The following SASH1 variants were observed in gnomAD, a reference collection of about 807,000 sequenced individuals.
SASH1 encodes SAM and SH3 domain-containing protein 1.
A neutral mutation model predicts 125.2 loss-of-function variants in SASH1; 44 were observed. That is an observed-to-expected ratio of 0.35 (90% CI 0.28 to 0.45). The LOEUF (loss-of-function observed/expected upper bound fraction) is 0.45, where lower values mean the gene tolerates loss of function less well. Ranked by LOEUF, SASH1 falls within the 20% of genes least tolerant of loss-of-function variation. The probability of loss-of-function intolerance (pLI) is 1.00; values close to 1 mark genes in which losing one functional copy is unlikely to be tolerated. For synonymous variants in SASH1, 639 were observed against 649.1 expected (o/e 0.98, Z 0.24); for missense variants, 1,426 against 1,614.5 (o/e 0.88, Z 2.00).
intron 1 of SASH1, among the ~76,000 whole-genome samples, chr6:148,365,823 C>G (rs1424888089): frequency 6.6e-6 from 1 of 151,598 alleles, no homozygotes; most frequent in East Asian, 1.9e-4. Flanking sequence ...AAAAAAAATA[C>G]AAAAATTAGC....
the SASH1 span, among the ~76,000 whole-genome samples, chr6:148,261,597 A>AT: frequency 1.3e-5 from 2 of 152,304 alleles, no homozygotes; most frequent in Admixed American, 1.3e-4. Flanking sequence ...GATTCACTTC[A>AT]TAACGAGGCC....
chr6:148,248,924 G>A, the SASH1 span, among the ~76,000 whole-genome samples: 1 of 152,084 alleles, frequency 6.6e-6, no homozygotes, highest in Non-Finnish European at 1.5e-5. Context: ...TTTGTATTCT[G>A]TCCTTTTAAA....
intron 1 of SASH1, among the ~76,000 whole-genome samples, chr6:148,327,307 T>C (rs1780856645): frequency 6.7e-6 from 1 of 150,346 alleles, no homozygotes. Context: ...TTTTTTGAGA[T>C]GGAGTCTCGC....
intron 4 of SASH1, among the ~76,000 whole-genome samples, chr6:148,447,196 G>T (rs1197833623): frequency 6.6e-6 from 1 of 152,054 alleles, no homozygotes. Context: ...CACTGATTTA[G>T]TTTCACTTTT....
the SASH1 span, among the ~76,000 whole-genome samples, chr6:148,259,769 C>A: frequency 1.3e-5 from 2 of 152,180 alleles, no homozygotes; most frequent in East Asian, 1.9e-4. Context: ...AGATGGTACC[C>A]CTTATACTAA....
chr6:148,440,879 A>G (rs1283520434), intron 4 of SASH1, among the ~76,000 whole-genome samples: 3 of 152,178 alleles, frequency 2.0e-5, no homozygotes, highest in African/African-American at 7.2e-5. Context: ...AAAAAATGGC[A>G]AATGATCCCT....
chr6:148,517,868 T>G (rs1340396679), intron 9 of SASH1, among the ~76,000 whole-genome samples: 1 of 152,222 alleles, frequency 6.6e-6, no homozygotes, highest in South Asian at 2.1e-4. Context: ...TGGACTCACC[T>G]GACTTCCCTG....
At chr6:148,478,838 G>C (rs1328633582) in intron 7 of SASH1, 1 of 158,200 alleles carries the variant, frequency 6.3e-6, no homozygotes, top group African/African-American at 2.4e-5. Context: ...GTAACCACCT[G>C]GCCTAGCTGC....
chr6:148,320,922 T>G (rs1780618191), intron 1 of SASH1, among the ~76,000 whole-genome samples: 1 of 152,248 alleles, frequency 6.6e-6, no homozygotes, highest in Non-Finnish European at 1.5e-5. Context: ...ATTTTGATTC[T>G]TCCTTCAGTA....
intron 4 of SASH1, among the ~76,000 whole-genome samples, chr6:148,461,959 G>A (rs138190616): frequency 2.0e-5 from 3 of 152,210 alleles, no homozygotes; most frequent in African/African-American, 7.2e-5. Context: ...CTTAATGTAA[G>A]CCCTTCAACC....
At chr6:148,314,535 A>C (rs1389837343) in intron 1 of SASH1, among the ~76,000 whole-genome samples, 1 of 152,146 alleles carries the variant, frequency 6.6e-6, no homozygotes, top group Non-Finnish European at 1.5e-5. Flanking sequence ...TGAATCTAGG[A>C]GTTATTTCTA....
chr6:148,361,112 C>G (rs543985236), intron 1 of SASH1, among the ~76,000 whole-genome samples: 1 of 152,122 alleles, frequency 6.6e-6, no homozygotes, highest in Non-Finnish European at 1.5e-5. Flanking sequence ...TGCCGAAGAT[C>G]GCTGGCAGCC....
rs147958284 is a variant in SASH1 at position 148,492,693 on chromosome 6, T to C, written c.729+4978T>C. Among the ~76,000 whole-genome samples, 24 of 152,024 alleles carry C rather than the reference T, an allele frequency of 1.6e-4. No individual in the cohort carries two copies. In the East Asian group the frequency reaches 2.5e-3, roughly 16 times the overall value. On this transcript the variant is annotated intron_variant, in intron 8 of 19. Transcript: ENST00000367467. ...AAAATTAGCCAGATGTGGTGGTCTG[T>C]GCCTATAGTCCCAGCTACTTGGGAG...
At chr6:148,252,863 C>A in the SASH1 span, among the ~76,000 whole-genome samples, 1 of 152,172 alleles carries the variant, frequency 6.6e-6, no homozygotes, top group South Asian at 2.1e-4. Context: ...ACTATGAGAG[C>A]TGGACTTAGA....
chr6:148,250,855 A>T, the SASH1 span, among the ~76,000 whole-genome samples: 1 of 152,198 alleles, frequency 6.6e-6, no homozygotes, highest in African/African-American at 2.4e-5. Flanking sequence ...GATAAAAGCT[A>T]AAATTTTAAA....
At chr6:148,425,440 C>G (rs533966506) in intron 2 of SASH1, among the ~76,000 whole-genome samples, 2 of 152,114 alleles carry the variant, frequency 1.3e-5, no homozygotes, top group South Asian at 4.1e-4. Context: ...ATTTTTACCT[C>G]TTAGTTTGAG....
chr6:148,252,124 T>C, the SASH1 span, among the ~76,000 whole-genome samples: 3 of 152,104 alleles, frequency 2.0e-5, no homozygotes, highest in Admixed American at 1.3e-4. Flanking sequence ...ATGACTTTGC[T>C]TGATTATGTC....
intron 4 of SASH1, among the ~76,000 whole-genome samples, chr6:148,457,856 A>T (rs1777433947): frequency 1.3e-5 from 2 of 152,184 alleles, no homozygotes; most frequent in South Asian, 4.1e-4. Context: ...AAGGAGAAGA[A>T]TGTGTGCCAG....
rs117633918 is a variant in SASH1 at position 148,540,669 on chromosome 6, C to T, written c.2209+113C>T. On this transcript the variant is annotated intron_variant, in intron 17 of 19. Transcript: ENST00000367467. ...GTCATGAACTCAGCAATCATCGTTT[C>T]CTTTCTCACCTCTACACCATTCTAG... The T allele has an allele frequency of 4.7e-3, 3,620 of 765,038 alleles. 19 individuals are homozygous for T. The highest frequency in any genetic ancestry group is 6.8e-3 in the Non-Finnish European group (3,049 of 449,818). 47.4% of individuals were successfully genotyped at this position (765,038 alleles called of 1,614,324 possible). A position where few individuals can be genotyped will look rare whatever the true frequency, so the allele number is the denominator to read the frequency against.
Sources: allele counts gnomAD v4.1 joint callset (sites outside exome capture counted in the v4.1 genomes callset), GRCh38; gene constraint gnomAD v4.1.1; transcripts MANE v1.5; gene names NCBI Gene and HGNC (gene_info 2026-07-23, HGNC 2026-07-21).